The following TMEM132B variants were observed in gnomAD, a reference collection of about 807,000 sequenced individuals.
TMEM132B encodes the protein transmembrane protein 132B.
A neutral mutation model predicts 90.8 loss-of-function variants in TMEM132B; 18 were observed. The ratio of observed to expected loss-of-function variants is 0.20; its 90% CI spans 0.14 to 0.29. TMEM132B has a LOEUF of 0.29. TMEM132B is among the 10% of genes least tolerant of loss of function. The pLI is 1.00. For synonymous variants in TMEM132B, 504 were observed against 523.3 expected (o/e 0.96, Z 0.50); for missense variants, 1,096 against 1,326.8 (o/e 0.83, Z 2.70).
chr12:125,356,382 A>G (rs7298842), intron 2 of TMEM132B, among the ~76,000 whole-genome samples: 2,299 of 152,230 alleles, frequency 0.015, 61 homozygotes, highest in African/African-American at 0.052. Context: ...TTAAGTGACT[A>G]TTTATGAAGT....
At chr12:125,305,301 G>A (rs1444985654) in intron 1 of TMEM132B, among the ~76,000 whole-genome samples, 1 of 151,026 alleles carries the variant, frequency 6.6e-6, no homozygotes, top group East Asian at 1.9e-4. Flanking sequence ...CTTGACATAC[G>A]AGATTCATGC....
At chr12:125,259,784 G>A (rs1279707719) in intron 1 of TMEM132B, among the ~76,000 whole-genome samples, 3 of 152,160 alleles carry the variant, frequency 2.0e-5, no homozygotes, top group Non-Finnish European at 4.4e-5. Flanking sequence ...TGCGGTTAAG[G>A]TTTTGTTGGA....
chr12:125,505,351 CA>C (rs1882819951), intron 3 of TMEM132B, among the ~76,000 whole-genome samples: 1 of 151,604 alleles, frequency 6.6e-6, no homozygotes, highest in Non-Finnish European at 1.5e-5. Context: ...ATAGAAACTA[CA>C]AAAAGAATAA....
At chr12:125,249,819 A>G (rs1052882777) in intron 1 of TMEM132B, among the ~76,000 whole-genome samples, 8 of 152,334 alleles carry the variant, frequency 5.3e-5, no homozygotes, top group Admixed American at 6.5e-5. Context: ...AGTATCCTTA[A>G]TCTCATGTCA....
chr12:125,638,438 C>T (rs772351064), intron 5 of TMEM132B, among the ~76,000 whole-genome samples: 13 of 152,166 alleles, frequency 8.5e-5, no homozygotes, highest in Non-Finnish European at 1.5e-4. Context: ...GCGCCTCAGA[C>T]ACAGTACACT....
chr12:125,320,521 G>C (rs753216904), intron 1 of TMEM132B, among the ~76,000 whole-genome samples: 6 of 152,156 alleles, frequency 3.9e-5, no homozygotes, highest in Non-Finnish European at 8.8e-5. Context: ...GAGGACATTA[G>C]GGGTTCCTGG....
chr12:125,491,394 G>T (rs564139543), intron 3 of TMEM132B, among the ~76,000 whole-genome samples: 6 of 152,030 alleles, frequency 3.9e-5, no homozygotes, highest in Non-Finnish European at 8.8e-5. Flanking sequence ...GCTTTTTCAA[G>T]GTAAAGATAA....
chr12:125,430,221 C>T (rs979018174), intron 3 of TMEM132B, among the ~76,000 whole-genome samples: 10 of 152,170 alleles, frequency 6.6e-5, no homozygotes, highest in Admixed American at 5.9e-4. Context: ...ATTTCCCTTC[C>T]ACCCCTTAAC....
intron 4 of TMEM132B, among the ~76,000 whole-genome samples, chr12:125,576,836 AG>A (rs1247725418): frequency 2.0e-5 from 3 of 151,942 alleles, no homozygotes; most frequent in Non-Finnish European, 2.9e-5. Flanking sequence ...TATGGTGTTT[AG>A]TCCTTTAAAA....
chr12:125,412,485 G>A (rs992887670), intron 2 of TMEM132B, among the ~76,000 whole-genome samples: 1 of 152,222 alleles, frequency 6.6e-6, no homozygotes, highest in Non-Finnish European at 1.5e-5. Flanking sequence ...AGGGAAAGGA[G>A]TGGGGTTTGG....
At chr12:125,311,283 G>T (rs1015373740) in intron 1 of TMEM132B, among the ~76,000 whole-genome samples, 1 of 152,200 alleles carries the variant, frequency 6.6e-6, no homozygotes, top group African/African-American at 2.4e-5. Flanking sequence ...TTGATTCTGG[G>T]TTATGAGGGG....
intron 3 of TMEM132B, among the ~76,000 whole-genome samples, chr12:125,483,249 A>G (rs1882103072): frequency 6.6e-6 from 1 of 152,180 alleles, no homozygotes; most frequent in Non-Finnish European, 1.5e-5. Flanking sequence ...TGTAATAAAA[A>G]AAACATTAAC....
At chr12:125,575,402 T>C (rs1277176635) in intron 4 of TMEM132B, among the ~76,000 whole-genome samples, 2 of 151,984 alleles carry the variant, frequency 1.3e-5, no homozygotes, top group Non-Finnish European at 2.9e-5. Context: ...CCCCTCATTT[T>C]TAATTTGGGT....
intron 3 of TMEM132B, among the ~76,000 whole-genome samples, chr12:125,434,298 C>T (rs1400126167): frequency 6.6e-6 from 1 of 152,210 alleles, no homozygotes; most frequent in Admixed American, 6.5e-5. Context: ...TCCAGATAAT[C>T]TCCCCACCCC....
intron 1 of TMEM132B, among the ~76,000 whole-genome samples, chr12:125,276,253 G>C (rs929293439): frequency 2.0e-5 from 3 of 152,230 alleles, no homozygotes; most frequent in African/African-American, 7.2e-5. Flanking sequence ...CCTGGCTTCT[G>C]TTCTGACCTC....
chr12:125,388,224 T>C (rs1245894666), intron 2 of TMEM132B, among the ~76,000 whole-genome samples: 2 of 151,962 alleles, frequency 1.3e-5, no homozygotes, highest in Non-Finnish European at 2.9e-5. Context: ...GGTGGGGAGT[T>C]CAAGACCAGC....
intron 3 of TMEM132B, among the ~76,000 whole-genome samples, chr12:125,437,554 A>C (rs1880741287): frequency 6.6e-6 from 1 of 152,154 alleles, no homozygotes; most frequent in Non-Finnish European, 1.5e-5. Flanking sequence ...CCTACCAGCG[A>C]TGTAAGAGGG....
At chr12:125,484,485 C>T (rs2136537913) in intron 3 of TMEM132B, among the ~76,000 whole-genome samples, 1 of 152,242 alleles carries the variant, frequency 6.6e-6, no homozygotes, top group African/African-American at 2.4e-5. Context: ...CCTCCTGGGA[C>T]TTTGAGTCTT....
intron 5 of TMEM132B, among the ~76,000 whole-genome samples, chr12:125,639,013 G>A (rs1328675752): frequency 1.3e-5 from 2 of 152,148 alleles, no homozygotes; most frequent in African/African-American, 4.8e-5. Context: ...CCTGCCCTCA[G>A]CTCTTCTTAT....
Sources: gnomAD v4.1 joint callset for allele counts (sites outside exome capture counted in the v4.1 genomes callset) on GRCh38, gnomAD v4.1.1 for gene constraint, MANE v1.5 for transcripts, NCBI Gene and HGNC (gene_info 2026-07-23, HGNC 2026-07-21) for gene names.